SPECC1: variants seen among roughly 807,000 people sequenced by gnomAD.
SPECC1 encodes the protein cytospin-B.
Under a neutral mutation model 104.1 loss-of-function variants are expected in SPECC1, and 62 were observed. The observed-to-expected ratio is 0.60, with a 90% CI of 0.49 to 0.74. The LOEUF (loss-of-function observed/expected upper bound fraction) is 0.74. Ranked by LOEUF, SPECC1 falls within the 30% of genes least tolerant of loss-of-function variation. SPECC1 has a pLI of 0.00. For missense variants in SPECC1, 1,306 were observed against 1,310.5 expected (o/e 1.00, Z 0.05); for synonymous variants, 513 against 501.6 (o/e 1.02, Z -0.30).
chr17:20,259,186 A>G (rs866408708), intron 11 of SPECC1, among the ~76,000 whole-genome samples: 1 of 152,354 alleles, frequency 6.6e-6, no homozygotes, highest in East Asian at 1.9e-4. Context: ...ACCCAAATAG[A>G]TGAAGTCATG....
chr17:20,098,483 C>T (rs1455403938), intron 2 of SPECC1, among the ~76,000 whole-genome samples: 2 of 152,186 alleles, frequency 1.3e-5, no homozygotes, highest in African/African-American at 4.8e-5. Flanking sequence ...GTGGCTCTCC[C>T]CATTCACTCA....
intron 13 of SPECC1, among the ~76,000 whole-genome samples, chr17:20,304,466 T>C (rs972205160): frequency 6.6e-6 from 1 of 152,058 alleles, no homozygotes; most frequent in Non-Finnish European, 1.5e-5. Context: ...TGAACAAACA[T>C]CAGAGAATAG....
intron 3 of SPECC1, among the ~76,000 whole-genome samples, chr17:20,153,802 C>G (rs896312401): frequency 1.3e-5 from 2 of 152,190 alleles, no homozygotes; most frequent in African/African-American, 4.8e-5. Context: ...TTACCATGAT[C>G]ACAAACTCAG....
chr17:20,116,752 C>T (rs1030616870), intron 3 of SPECC1, among the ~76,000 whole-genome samples: 5 of 138,876 alleles, frequency 3.6e-5, no homozygotes, highest in African/African-American at 1.1e-4. Flanking sequence ...CAATGGGGGA[C>T]GATTTTGTCC....
At chr17:20,016,196 C>T (rs1231054603) in intron 1 of SPECC1, among the ~76,000 whole-genome samples, 2 of 136,706 alleles carry the variant, frequency 1.5e-5, no homozygotes, top group African/African-American at 5.6e-5. Context: ...CCAGTCTGGG[C>T]GACAGAGAGC....
chr17:20,164,632 A>G (rs2033484419), intron 3 of SPECC1, among the ~76,000 whole-genome samples: 1 of 152,200 alleles, frequency 6.6e-6, no homozygotes, highest in Non-Finnish European at 1.5e-5. Flanking sequence ...GAGCATATTC[A>G]GGGATATTCT....
chr17:20,265,254 A>G (rs892627462), intron 12 of SPECC1, among the ~76,000 whole-genome samples: 3 of 152,182 alleles, frequency 2.0e-5, no homozygotes, highest in African/African-American at 7.2e-5. Flanking sequence ...CTTTTTCTCC[A>G]TGGCCTCGCT....
At chr17:20,259,863 G>A (rs947056251) in intron 11 of SPECC1, among the ~76,000 whole-genome samples, 1 of 151,894 alleles carries the variant, frequency 6.6e-6, no homozygotes, top group African/African-American at 2.4e-5. Flanking sequence ...AAACATGTAG[G>A]GTGTGTTTTG....
In SPECC1 at chr17:20,210,976, T is replaced by C. The variant is rs906083730; in HGVS notation, c.1863+5064T>C. Among the ~76,000 whole-genome samples the C allele has an allele frequency of 1.1e-4, 17 of 152,176 alleles. 1 individual carries two copies. The highest frequency in any genetic ancestry group is 1.0e-3 in the Admixed American group (16 of 15,280). On this transcript the variant is annotated intron_variant, in intron 4 of 14. Coordinates refer to ENST00000395527, the MANE Select transcript of SPECC1 (RefSeq NM_001243439.2). ...CTCCTGAAGCTTTCCGCCTCAGTTA[T>C]GGGGTCTTCAGCGAGGCATTCAGCT...
chr17:20,090,591 CAAA>C (rs56019742), intron 1 of SPECC1, among the ~76,000 whole-genome samples: 21 of 142,364 alleles, frequency 1.5e-4, no homozygotes, highest in Admixed American at 1.4e-4. Context: ...TACACTATTC[CAAA>C]AAAAAAAAAA....
At chr17:20,280,973 T>G (rs1394568429) in intron 12 of SPECC1, among the ~76,000 whole-genome samples, 1 of 152,206 alleles carries the variant, frequency 6.6e-6, no homozygotes, top group Non-Finnish European at 1.5e-5. Flanking sequence ...TTTCCTAAAG[T>G]CATATTCAGC....
chr17:20,285,706 G>A (rs1333030110), intron 12 of SPECC1, among the ~76,000 whole-genome samples: 3 of 151,828 alleles, frequency 2.0e-5, no homozygotes, highest in Non-Finnish European at 2.9e-5. Context: ...CCACACTCTA[G>A]CCCCTTAAGA....
At chr17:20,057,224 G>A (rs188610390) in intron 1 of SPECC1, among the ~76,000 whole-genome samples, 398 of 152,220 alleles carry the variant, frequency 2.6e-3, no homozygotes, top group African/African-American at 8.9e-3. Context: ...GGTGGATCAC[G>A]AGGTCAGGAG....
chr17:20,184,449 G>T (rs897842706), intron 3 of SPECC1, among the ~76,000 whole-genome samples: 1 of 152,060 alleles, frequency 6.6e-6, no homozygotes, highest in African/African-American at 2.4e-5. Context: ...GGCAAGTAGG[G>T]GATTTTGATT....
intron 3 of SPECC1, among the ~76,000 whole-genome samples, chr17:20,143,161 A>G (rs1037535900): frequency 2.9e-5 from 4 of 140,262 alleles, no homozygotes; most frequent in African/African-American, 1.1e-4. Flanking sequence ...TTGCCACAGG[A>G]ATATTCTTTA....
intron 13 of SPECC1, among the ~76,000 whole-genome samples, chr17:20,304,834 A>G (rs1269425339): frequency 6.6e-6 from 1 of 152,046 alleles, no homozygotes; most frequent in Non-Finnish European, 1.5e-5. Flanking sequence ...ACTATGAGGC[A>G]GGCCCTCTGT....
Position 20,317,322 on chromosome 17 carries a change from G to A in SPECC1, c.*3257G>A, listed in dbSNP as rs115268295. 1,093 of 142,866 alleles carry A rather than the reference G, an allele frequency of 7.7e-3. 18 individuals carry two copies. Among genetic ancestry groups the A allele is most frequent in the African/African-American group, 0.03 (1,035 of 34,346 alleles). 8.8% of individuals were successfully genotyped at this position (142,866 alleles called of 1,614,324 possible). On this transcript the variant is annotated 3_prime_UTR_variant, in exon 15 of 15. Transcript: ENST00000395527. Reference sequence around the variant, plus strand: ...TCTCTGTCACCCAGGCTAGAGTAGTGTGATCTTGGCTTATTACAACTTCCG... The same window carrying A: ...TCTCTGTCACCCAGGCTAGAGTAGTATGATCTTGGCTTATTACAACTTCCG...
intron 3 of SPECC1, among the ~76,000 whole-genome samples, chr17:20,124,480 G>T (rs1311572618): frequency 6.6e-6 from 1 of 152,104 alleles, no homozygotes; most frequent in Non-Finnish European, 1.5e-5. Context: ...GGGGCAGGTG[G>T]GGCTGAATCG....
At chr17:20,071,108 T>TA (rs1037897554) in intron 1 of SPECC1, among the ~76,000 whole-genome samples, 1 of 152,144 alleles carries the variant, frequency 6.6e-6, no homozygotes, top group Non-Finnish European at 1.5e-5. Flanking sequence ...CATAGTGCGC[T>TA]ACAGCCTTGA....
Sources: allele counts gnomAD v4.1 joint callset (sites outside exome capture counted in the v4.1 genomes callset), GRCh38; gene constraint gnomAD v4.1.1; transcripts MANE v1.5; gene names NCBI Gene and HGNC (gene_info 2026-07-23, HGNC 2026-07-21).